LRRC4C: variants seen among roughly 807,000 people sequenced by gnomAD.
LRRC4C encodes leucine rich repeat containing 4C.
In LRRC4C, 5 loss-of-function variants were observed where a neutral mutation model predicts 33.6. The ratio of observed to expected loss-of-function variants is 0.15; its 90% confidence interval spans 0.08 to 0.31. The LOEUF (loss-of-function observed/expected upper bound fraction) is 0.31. LRRC4C is among the 10% of genes least tolerant of loss of function. The pLI is 1.00. For missense variants in LRRC4C, 560 were observed against 796.7 expected, an observed-to-expected ratio of 0.70 and a Z score of 3.58; for synonymous variants, 329 against 302.0, an observed-to-expected ratio of 1.09 and a Z score of -0.93.
intron 2 of LRRC4C, among the ~76,000 whole-genome samples, chr11:40,751,369 A>G (rs920248287): frequency 6.6e-6 from 1 of 152,152 alleles, no homozygotes; most frequent in Non-Finnish European, 1.5e-5. Flanking sequence ...AGAAAAACCA[A>G]AAGACTCCAC....
At chr11:40,254,777 A>T (rs1867070179) in intron 4 of LRRC4C, among the ~76,000 whole-genome samples, 2 of 152,164 alleles carry the variant, frequency 1.3e-5, no homozygotes, top group Admixed American at 1.3e-4. Flanking sequence ...AGACAGAAAG[A>T]GACAATCAAA....
chr11:40,558,938 G>A lies in LRRC4C; in HGVS notation c.-270+89204C>T, dbSNP rs556417456. ...AGTTCTTATCATTTAGCTCCGACTT[G>A]TAAGTGAGAACATGCAGTATTTGGT... On this transcript the variant is annotated intron_variant, in intron 3 of 6. Transcript: ENST00000528697. Among the ~76,000 whole-genome samples, 9 of 152,156 alleles carry A rather than the reference G, an allele frequency of 5.9e-5. No homozygotes were observed. The Middle Eastern group carries it at 0.014, about 230-fold the overall frequency.
intron 6 of LRRC4C, among the ~76,000 whole-genome samples, chr11:40,126,131 G>A (rs1311305516): frequency 6.9e-6 from 1 of 144,450 alleles, no homozygotes; most frequent in Non-Finnish European, 1.5e-5. Context: ...AATGTTTCTA[G>A]AAAATGCTAA....
At chr11:40,615,522 A>G (rs950504222) in intron 3 of LRRC4C, among the ~76,000 whole-genome samples, 1 of 151,584 alleles carries the variant, frequency 6.6e-6, no homozygotes. Context: ...TATTTACTGG[A>G]TGACCCTATT....
intron 1 of LRRC4C, among the ~76,000 whole-genome samples, chr11:41,257,413 G>A (rs759356281): frequency 2.0e-5 from 3 of 151,918 alleles, no homozygotes; most frequent in Non-Finnish European, 4.4e-5. Flanking sequence ...CACTTAACTT[G>A]GTTAATTTCA....
chr11:41,149,090 T>C (rs1054091555), intron 1 of LRRC4C, among the ~76,000 whole-genome samples: 1 of 152,078 alleles, frequency 6.6e-6, no homozygotes, highest in East Asian at 1.9e-4. Context: ...GCAGAATTTA[T>C]TTTTTCAGAA....
intron 1 of LRRC4C, among the ~76,000 whole-genome samples, chr11:41,044,715 T>G (rs1857655605): frequency 6.6e-6 from 1 of 152,150 alleles, no homozygotes; most frequent in Non-Finnish European, 1.5e-5. Flanking sequence ...CGCAGTTATG[T>G]GATATACTAG....
chr11:40,791,240 AT>A (rs1434836684), intron 2 of LRRC4C, among the ~76,000 whole-genome samples: 1 of 152,158 alleles, frequency 6.6e-6, no homozygotes, highest in Non-Finnish European at 1.5e-5. Context: ...CTATGAAAGC[AT>A]TGTATGGTGT....
intron 2 of LRRC4C, among the ~76,000 whole-genome samples, chr11:40,769,415 TC>T (rs760910326): frequency 1.3e-5 from 2 of 152,112 alleles, no homozygotes; most frequent in Non-Finnish European, 2.9e-5. Context: ...CAAAGCAATT[TC>T]CAGATTCAAT....
At position 41,140,277 on chromosome 11, in the gene LRRC4C, G is replaced by A. The variant is rs114204391; in HGVS notation, c.-495-206554C>T. Among the ~76,000 whole-genome samples, 1,087 of 152,210 alleles carry A rather than the reference G, an allele frequency of 7.1e-3. 14 individuals carry two copies. The highest frequency in any genetic ancestry group is 0.025 in the African/African-American group (1,044 of 41,526). ...CCCATCATTTCATGTTTCTGGAAAT[G>A]CCTGGCTGCACAGACCCACCCTTCT... On this transcript the variant is annotated intron_variant, in intron 1 of 6. Coordinates refer to ENST00000528697, the MANE Select transcript of LRRC4C (RefSeq NM_001258419.2).
chr11:41,367,115 T>C (rs1353531178), intron 1 of LRRC4C, among the ~76,000 whole-genome samples: 2 of 152,142 alleles, frequency 1.3e-5, no homozygotes, highest in African/African-American at 4.8e-5. Flanking sequence ...AAGGTGCCTT[T>C]ATAGGGGTGT....
chr11:40,888,180 C>A (rs894319677), intron 2 of LRRC4C, among the ~76,000 whole-genome samples: 2 of 151,784 alleles, frequency 1.3e-5, no homozygotes, highest in African/African-American at 4.8e-5. Flanking sequence ...TACATGAGTT[C>A]TTGTTCTCCG....
At chr11:40,378,539 G>T (rs1948744262) in intron 3 of LRRC4C, among the ~76,000 whole-genome samples, 1 of 151,956 alleles carries the variant, frequency 6.6e-6, no homozygotes, top group Non-Finnish European at 1.5e-5. Flanking sequence ...AACTATAATG[G>T]ATGGGTAAAC....
At chr11:40,517,314 C>T (rs1303879704) in intron 3 of LRRC4C, among the ~76,000 whole-genome samples, 1 of 152,132 alleles carries the variant, frequency 6.6e-6, no homozygotes, top group Non-Finnish European at 1.5e-5. Context: ...GATGACTTTT[C>T]CAGTGTCCTG....
At chr11:40,638,989 A>C (rs1247539988) in intron 3 of LRRC4C, among the ~76,000 whole-genome samples, 1 of 152,114 alleles carries the variant, frequency 6.6e-6, no homozygotes, top group Non-Finnish European at 1.5e-5. Context: ...CGAGGCTCCG[A>C]AGTTGGTGGC....
chr11:40,171,033 C>T (rs2135431370), intron 5 of LRRC4C, among the ~76,000 whole-genome samples: 1 of 152,210 alleles, frequency 6.6e-6, no homozygotes, highest in Non-Finnish European at 1.5e-5. Flanking sequence ...ATTATGCTTC[C>T]TAAAACCAAT....
intron 2 of LRRC4C, among the ~76,000 whole-genome samples, chr11:40,699,880 A>G (rs753841540): frequency 1.1e-4 from 16 of 152,238 alleles, no homozygotes; most frequent in Non-Finnish European, 2.2e-4. Context: ...AGAGTCTTCA[A>G]TTAAATATAC....
intron 1 of LRRC4C, among the ~76,000 whole-genome samples, chr11:41,132,660 G>A (rs1400401507): frequency 2.0e-5 from 3 of 151,938 alleles, no homozygotes; most frequent in Non-Finnish European, 4.4e-5. Flanking sequence ...TTCCTTCATT[G>A]TTTGTTTTGT....
intron 1 of LRRC4C, among the ~76,000 whole-genome samples, chr11:41,226,670 G>A (rs996866150): frequency 1.3e-5 from 2 of 150,578 alleles, no homozygotes; most frequent in African/African-American, 2.4e-5. Context: ...CTCTACCTTT[G>A]TTCCTGTATT....
Sources: gnomAD v4.1 joint callset for allele counts (sites outside exome capture counted in the v4.1 genomes callset) on GRCh38, gnomAD v4.1.1 for gene constraint, MANE v1.5 for transcripts, NCBI Gene and HGNC (gene_info 2026-07-23, HGNC 2026-07-21) for gene names.